Variants in CAPN13 observed in about 807,000 individuals in gnomAD.
CAPN13 encodes the protein calpain 13.
A neutral mutation model predicts 98.4 loss-of-function variants in CAPN13; 90 were observed. The observed-to-expected ratio is 0.92, with a 90% CI of 0.77 to 1.09. The LOEUF (loss-of-function observed/expected upper bound fraction) is 1.09, where lower values mean the gene tolerates loss of function less well. CAPN13 is among the 50% of genes least tolerant of loss of function. The pLI is 0.00. For synonymous variants in CAPN13, 330 were observed against 305.5 expected (o/e 1.08, Z -0.84); for missense variants, 887 against 841.3 (o/e 1.05, Z -0.67).
Position 30,770,355 on chromosome 2 carries a change from T to A in CAPN13, c.482A>T (p.Asn161Ile). 1 of 1,613,950 alleles carries A rather than the reference T, an allele frequency of 6.2e-7. No individual in the cohort carries two copies. Among genetic ancestry groups the A allele is most frequent in the Non-Finnish European group, 8.5e-7 (1 of 1,179,840 alleles). The change falls in exon 5 of 23, where the codon AAC becomes ATC. Residue 161 changes from asparagine (N) to isoleucine (I), a missense_variant. By Grantham distance (149) the Asn-to-Ile change is moderately radical (BLOSUM62 -3). Coordinates refer to ENST00000295055, the MANE Select transcript of CAPN13 (RefSeq NM_144575.3). ...KCLFVRPRHQ[N>I]QEFWPCLLEK... ...CAGCAGGCAGGGCCAGAACTCTTGGTTTTGGTGGCGAGGACGCACAAAGAG... is the reference window on the plus strand; with the variant it reads ...CAGCAGGCAGGGCCAGAACTCTTGGATTTGGTGGCGAGGACGCACAAAGAG...
chr2:30,773,237 G>A (rs930054729), intron 4 of CAPN13, among the ~76,000 whole-genome samples: 1 of 152,126 alleles, frequency 6.6e-6, no homozygotes, highest in African/African-American at 2.4e-5. Context: ...ACAAGACAAC[G>A]AAACAATGTT....
intron 1 of CAPN13, among the ~76,000 whole-genome samples, chr2:30,792,532 GC>G (rs1227855055): frequency 6.6e-6 from 1 of 151,964 alleles, no homozygotes; most frequent in Non-Finnish European, 1.5e-5. Flanking sequence ...TCTGAATAAT[GC>G]CACATATAGT....
chr2:30,724,368 T>G (rs72613855), intron 22 of CAPN13, among the ~76,000 whole-genome samples: 5,900 of 152,288 alleles, frequency 0.039, 203 homozygotes, highest in East Asian at 0.14. Flanking sequence ...CTCTGAACAT[T>G]ATTTTTTCTA....
At chr2:30,730,150 G>A (rs1671014095) in intron 22 of CAPN13, among the ~76,000 whole-genome samples, 2 of 152,246 alleles carry the variant, frequency 1.3e-5, no homozygotes, top group African/African-American at 4.8e-5. Context: ...AAGACTGATG[G>A]GGCTTCTGCT....
chr2:30,730,801 T>A lies in CAPN13; in HGVS notation c.1984-15A>T. 1 of 780,838 alleles carries A rather than the reference T, an allele frequency of 1.3e-6. No homozygotes were observed. Among genetic ancestry groups the A allele is most frequent in the Non-Finnish European group, 2.4e-6 (1 of 417,968 alleles). The allele number at this position is 780,838 out of a possible 1,614,324, so 48.4% of individuals were successfully genotyped here. A position where few individuals can be genotyped will look rare whatever the true frequency, so the allele number is the denominator to read the frequency against. On this transcript the variant is annotated splice_polypyrimidine_tract_variant and intron_variant, in intron 21 of 22. Transcript: ENST00000295055. ...AGGCTCATCCACTGAAAAATAAGCA[T>A]CATCATTACAACAATTCTTTACACT... is the stretch of plus-strand genomic sequence containing the variant.
intron 5 of CAPN13, among the ~76,000 whole-genome samples, chr2:30,764,877 T>C (rs574720255): frequency 6.6e-6 from 1 of 152,252 alleles, no homozygotes; most frequent in South Asian, 2.1e-4. Context: ...GGAGCCACTG[T>C]TCTTACTCTG....
chr2:30,755,040 T>C (rs953080241), intron 8 of CAPN13, among the ~76,000 whole-genome samples: 10 of 152,186 alleles, frequency 6.6e-5, no homozygotes, highest in African/African-American at 2.2e-4. Flanking sequence ...CCCTCTCCGA[T>C]GTTACCAGTT....
At chr2:30,783,233 A>G (rs187593489) in intron 2 of CAPN13, among the ~76,000 whole-genome samples, 6 of 152,370 alleles carry the variant, frequency 3.9e-5, no homozygotes, top group African/African-American at 1.4e-4. Flanking sequence ...GCTCAGGGAA[A>G]TATCACATAG....
At chr2:30,772,343 A>C (rs530759354) in intron 4 of CAPN13, among the ~76,000 whole-genome samples, 117 of 152,342 alleles carry the variant, frequency 7.7e-4, no homozygotes, top group Admixed American at 1.9e-3. Flanking sequence ...TGACCTGGGC[A>C]CTGGGTAACT....
At chr2:30,797,810 C>A (rs1057302392) in intron 1 of CAPN13, among the ~76,000 whole-genome samples, 1 of 152,216 alleles carries the variant, frequency 6.6e-6, no homozygotes, top group Non-Finnish European at 1.5e-5. Flanking sequence ...TGGGTGCACC[C>A]TTGCCTCTGG....
At chr2:30,727,236 A>G (rs556717829) in intron 22 of CAPN13, among the ~76,000 whole-genome samples, 1 of 152,282 alleles carries the variant, frequency 6.6e-6, no homozygotes, top group Admixed American at 6.5e-5. Flanking sequence ...AACAGAATAA[A>G]TAGTTTGACC....
At chr2:30,791,439 T>C (rs1318400546) in intron 1 of CAPN13, among the ~76,000 whole-genome samples, 1 of 152,230 alleles carries the variant, frequency 6.6e-6, no homozygotes, top group Non-Finnish European at 1.5e-5. Flanking sequence ...TATTCTTGAG[T>C]GTGTTCTGTG....
chr2:30,754,891 G>T (rs1036172651), intron 8 of CAPN13, among the ~76,000 whole-genome samples: 1 of 151,904 alleles, frequency 6.6e-6, no homozygotes, highest in African/African-American at 2.4e-5. Context: ...TTTCCCATCC[G>T]TTCCCACACT....
At position 30,723,217 on chromosome 2, in the gene CAPN13, G is replaced by T. The variant is rs967375931; in HGVS notation, c.*50C>A. Reference sequence around the variant, plus strand: ...CTTAGAATGAGAGCCAGATTCTTGAGTGATCACTGGGAGCTTGTCCTAGAG... The same window carrying T: ...CTTAGAATGAGAGCCAGATTCTTGATTGATCACTGGGAGCTTGTCCTAGAG... On this transcript the variant is annotated 3_prime_UTR_variant, in exon 23 of 23. Transcript: ENST00000295055. 6.6e-6 allele frequency: 1 copy of T among 152,342 alleles called. No homozygotes were observed. The highest frequency in any genetic ancestry group is 2.4e-5 in the African/African-American group (1 of 41,448). 9.4% of individuals were successfully genotyped at this position (152,342 alleles called of 1,614,324 possible).
chr2:30,803,650 G>T (rs955184391), intron 1 of CAPN13, among the ~76,000 whole-genome samples: 8 of 152,196 alleles, frequency 5.3e-5, no homozygotes, highest in Non-Finnish European at 1.2e-4. Flanking sequence ...CCACTACCGT[G>T]GGACATGGTA....
chr2:30,751,241 C>G lies in CAPN13; in HGVS notation c.1098G>C (p.Arg366=). The G allele has an allele frequency of 6.2e-7, 1 of 1,613,832 alleles. No individual in the cohort carries two copies. Among genetic ancestry groups the G allele is most frequent in the Non-Finnish European group, 8.5e-7 (1 of 1,179,808 alleles). The change falls in exon 11 of 23, where the codon CGG becomes CGC. Residue 366 remains arginine (R), a synonymous_variant. Transcript: ENST00000295055. ...VILGNTAGGP[R]NDAQFNFSVQ... is the part of the protein sequence containing the mutation. ...CAGAGAAGTTGAATTGAGCATCATT[C>G]CGAGGTCCTCCTGCATCAGAAAGAG... is the stretch of plus-strand genomic sequence containing the variant.
chr2:30,805,043 G>A (rs949493085), intron 1 of CAPN13, among the ~76,000 whole-genome samples: 9 of 152,094 alleles, frequency 5.9e-5, no homozygotes, highest in African/African-American at 1.9e-4. Flanking sequence ...CAAGGAAGTG[G>A]CTCTTCTGAC....
chr2:30,726,531 G>T (rs9309685), intron 22 of CAPN13, among the ~76,000 whole-genome samples: 65,567 of 151,914 alleles, frequency 0.43, 14,311 homozygotes, highest in East Asian at 0.65. Flanking sequence ...GTTTAGCAAG[G>T]TTGCAGGATA....
chr2:30,760,176 G>A lies in CAPN13; in HGVS notation c.775-2039C>T, dbSNP rs548844307. Among the ~76,000 whole-genome samples, 53 of 152,302 alleles carry A rather than the reference G, an allele frequency of 3.5e-4. No individual in the cohort carries two copies. The South Asian group carries it at 0.011, about 32-fold the overall frequency. ...CGGCTCACTGCAAGCTCCGCCTCCCGGGTTCATGCCGTCCTCCTGCCTCAG... is the reference window on the plus strand; with the variant it reads ...CGGCTCACTGCAAGCTCCGCCTCCCAGGTTCATGCCGTCCTCCTGCCTCAG... On this transcript the variant is annotated intron_variant, in intron 7 of 22. Transcript: ENST00000295055.
Sources: allele counts gnomAD v4.1 joint callset (sites outside exome capture counted in the v4.1 genomes callset), GRCh38; gene constraint gnomAD v4.1.1; transcripts MANE v1.5; gene names NCBI Gene and HGNC (gene_info 2026-07-23, HGNC 2026-07-21).